The following CCL28 variants were observed in gnomAD, a reference collection of about 807,000 sequenced individuals.
CCL28 encodes C-C motif chemokine ligand 28.
In CCL28, 4 loss-of-function variants were observed where a neutral mutation model predicts 7.1. That is an observed-to-expected ratio of 0.56 (90% CI 0.28 to 1.29). The LOEUF (loss-of-function observed/expected upper bound fraction) is 1.29. Among genes scored for constraint, CCL28 ranks in the 50% most tolerant of loss-of-function variants. The pLI is 0.11. For missense variants in CCL28, 151 were observed against 163.4 expected (o/e 0.92, Z 0.41); for synonymous variants, 55 against 57.8 (o/e 0.95, Z 0.22).
the CCL28 span, among the ~76,000 whole-genome samples, chr5:43,371,292 T>C: frequency 6.6e-6 from 1 of 152,180 alleles, no homozygotes; most frequent in African/African-American, 2.4e-5. Flanking sequence ...GTTTTTGTAC[T>C]TTATATTTAT....
chr5:43,364,632 A>G, the CCL28 span, among the ~76,000 whole-genome samples: 3 of 152,122 alleles, frequency 2.0e-5, no homozygotes, highest in African/African-American at 7.2e-5. Context: ...TTATTGTCTC[A>G]TTGATCTAAT....
At chr5:43,377,977 C>T (rs988420234), downstream of CCL28, among the ~76,000 whole-genome samples, 13 of 132,846 alleles carry the variant, frequency 9.8e-5, no homozygotes, top group African/African-American at 4.9e-4. Flanking sequence ...CGTGATCCGC[C>T]CGCCTCGGCC....
intron 1 of CCL28, among the ~76,000 whole-genome samples, chr5:43,396,574 T>G (rs557575709): frequency 6.6e-6 from 1 of 152,158 alleles, no homozygotes. Flanking sequence ...ATTCAACTCA[T>G]GGGTTAAAGA....
At chr5:43,360,821 CT>C in the CCL28 span, among the ~76,000 whole-genome samples, 844 of 151,988 alleles carry the variant, frequency 5.6e-3, 8 homozygotes, top group African/African-American at 0.02. Flanking sequence ...GATATGAGAC[CT>C]TTTTTTCTTC....
At chr5:43,412,019 A>G (rs375179628) in intron 1 of CCL28, among the ~76,000 whole-genome samples, 2 of 152,344 alleles carry the variant, frequency 1.3e-5, no homozygotes, top group Non-Finnish European at 2.9e-5. Context: ...GAAGGACCTC[A>G]TCCTCCAGGT....
chr5:43,374,521 G>A (rs544541966), downstream of CCL28, among the ~76,000 whole-genome samples: 2 of 152,168 alleles, frequency 1.3e-5, no homozygotes, highest in Non-Finnish European at 2.9e-5. Context: ...AGTGGCTCAC[G>A]CCTGTAATCC....
At chr5:43,395,494 T>C (rs1401557115) in intron 1 of CCL28, among the ~76,000 whole-genome samples, 2 of 152,020 alleles carry the variant, frequency 1.3e-5, no homozygotes, top group African/African-American at 4.8e-5. Context: ...CTGGGCAACA[T>C]AGTGAGACCC....
At chr5:43,389,452 G>A (rs1216515334) in intron 1 of CCL28, among the ~76,000 whole-genome samples, 1 of 152,106 alleles carries the variant, frequency 6.6e-6, no homozygotes, top group East Asian at 1.9e-4. Flanking sequence ...CTCACTATAC[G>A]TGAATCACTA....
chr5:43,368,776 G>A, the CCL28 span, among the ~76,000 whole-genome samples: 2 of 152,048 alleles, frequency 1.3e-5, no homozygotes, highest in African/African-American at 2.4e-5. Context: ...GGAGAAGCTG[G>A]CCATCAGCCA....
the CCL28 span, among the ~76,000 whole-genome samples, chr5:43,368,309 C>T: frequency 2.6e-5 from 4 of 152,202 alleles, no homozygotes; most frequent in Non-Finnish European, 5.9e-5. Context: ...TCTGAAGCTG[C>T]TAGTTGCCCG....
intron 1 of CCL28, 45 bp downstream of exon 1, chr5:43,412,207 AC>A (rs756470049): frequency 9.9e-6 from 15 of 1,509,272 alleles, no homozygotes; most frequent in South Asian, 6.0e-5. Context: ...TTTGGGAGAT[AC>A]CCCCCTTTCC....
chr5:43,399,177 G>T (rs1459560275), intron 1 of CCL28, among the ~76,000 whole-genome samples: 2 of 152,054 alleles, frequency 1.3e-5, no homozygotes, highest in African/African-American at 4.8e-5. Context: ...TAATCACTTT[G>T]TACTGTTATC....
intron 1 of CCL28, among the ~76,000 whole-genome samples, chr5:43,410,231 C>G (rs1561170865): frequency 6.6e-6 from 1 of 152,162 alleles, no homozygotes; most frequent in Non-Finnish European, 1.5e-5. Context: ...CTCCCTGGAG[C>G]CAGAATCACT....
downstream of CCL28, among the ~76,000 whole-genome samples, chr5:43,377,982 T>C (rs2111663794): frequency 7.5e-6 from 1 of 132,712 alleles, no homozygotes. Flanking sequence ...TCCGCCCGCC[T>C]CGGCCTCCCA....
chr5:43,394,350 G>A (rs185892783), intron 1 of CCL28, among the ~76,000 whole-genome samples: 10 of 152,214 alleles, frequency 6.6e-5, no homozygotes, highest in Admixed American at 6.5e-4. Flanking sequence ...AGTTTGCTTA[G>A]TTCTTTAAGA....
chr5:43,391,890 T>C (rs1057179482), intron 1 of CCL28, among the ~76,000 whole-genome samples: 2 of 152,168 alleles, frequency 1.3e-5, no homozygotes, highest in Non-Finnish European at 2.9e-5. Flanking sequence ...AAGAAATAAA[T>C]AGTGGGGCTG....
At chr5:43,390,501 A>T (rs540814802) in intron 1 of CCL28, among the ~76,000 whole-genome samples, 2 of 152,320 alleles carry the variant, frequency 1.3e-5, no homozygotes, top group South Asian at 4.1e-4. Context: ...GGAAGGGCAA[A>T]GCCCAACAGA....
intron 2 of CCL28, among the ~76,000 whole-genome samples, chr5:43,383,544 G>A (rs1740208931): frequency 6.6e-6 from 1 of 152,036 alleles, no homozygotes; most frequent in African/African-American, 2.4e-5. Context: ...CTTAATAAGA[G>A]AATAATATAT....
intron 1 of CCL28, among the ~76,000 whole-genome samples, chr5:43,391,068 G>T (rs747403729): frequency 4.3e-4 from 65 of 152,160 alleles, no homozygotes; most frequent in Non-Finnish European, 8.7e-4. Flanking sequence ...AGAAAGTAGG[G>T]GGAAAACATT....
Sources: gnomAD v4.1 joint callset for allele counts (sites outside exome capture counted in the v4.1 genomes callset) on GRCh38, gnomAD v4.1.1 for gene constraint, MANE v1.5 for transcripts, NCBI Gene and HGNC (gene_info 2026-07-23, HGNC 2026-07-21) for gene names.